Variants in MPP7 observed in about 807,000 individuals in gnomAD.
MPP7 encodes the protein MAGUK p55 subfamily member 7.
In MPP7, 60 loss-of-function variants were observed where a neutral mutation model predicts 76.5. The ratio of observed to expected loss-of-function variants is 0.78; its 90% CI spans 0.64 to 0.97. The LOEUF is 0.97. Ranked by LOEUF, MPP7 falls within the 50% of genes least tolerant of loss-of-function variation. The probability of loss-of-function intolerance (pLI) is 0.00; values close to 1 mark genes in which losing one functional copy is unlikely to be tolerated. For synonymous variants in MPP7, 237 were observed against 244.5 expected (o/e 0.97, Z 0.29); for missense variants, 641 against 694.0 (o/e 0.92, Z 0.86).
intron 3 of MPP7, among the ~76,000 whole-genome samples, chr10:28,169,301 A>C (rs1371421361): frequency 6.8e-6 from 1 of 146,308 alleles, no homozygotes; most frequent in Admixed American, 6.8e-5. Flanking sequence ...GACCAGCCTG[A>C]GCAACACAAC....
In MPP7 at chr10:28,059,685, G is replaced by A; in HGVS notation, c.1263C>T (p.Ser421=). 1 of 1,613,244 alleles carries A rather than the reference G, an allele frequency of 6.2e-7. No homozygotes were observed. Among genetic ancestry groups the A allele is most frequent in the African/African-American group, 1.3e-5 (1 of 74,964 alleles). ...ESDGVEYIFI[S]KHLFETDVQN... Reference sequence around the variant, plus strand: ...GTACATCTGTCTCAAACAAATGCTTGGAAATGAAAATGTATTCAACACCAT... The same window carrying A: ...GTACATCTGTCTCAAACAAATGCTTAGAAATGAAAATGTATTCAACACCAT... The change falls in exon 14 of 17, where the codon TCC becomes TCT. Residue 421 remains serine (S), a synonymous_variant. Transcript: ENST00000683449.
chr10:28,118,126 A>G (rs1588797186), intron 11 of MPP7: 1 of 981,054 alleles, frequency 1.0e-6, no homozygotes, highest in East Asian at 1.1e-4. Context: ...AAATCATGCA[A>G]ATCAACATAC....
At position 28,327,774 on chromosome 10, in the gene MPP7, C is replaced by T. The variant is rs530765733; in HGVS notation, c.-132+2155G>A. ...GCCTGGCTGCTCAGCACACTAGCAG[C>T]TATTGTGCCCTGACATTATATTCGT... On this transcript the variant is annotated intron_variant, in intron 2 of 11. Transcript: ENST00000441595. Among the ~76,000 whole-genome samples the T allele has an allele frequency of 3.6e-4, 55 of 152,296 alleles. 1 individual carries two copies. Among genetic ancestry groups the T allele is most frequent in the African/African-American group, 1.3e-3 (54 of 41,556 alleles).
At chr10:28,121,988 G>A (rs1360987066) in intron 8 of MPP7, among the ~76,000 whole-genome samples, 1 of 152,166 alleles carries the variant, frequency 6.6e-6, no homozygotes, top group South Asian at 2.1e-4. Flanking sequence ...GTGCAACACA[G>A]CAAGTTAAGT....
At chr10:28,054,386 C>G in intron 16 of MPP7, 142 bp from the exon 17 acceptor site, 1 of 571,716 alleles carries the variant, frequency 1.7e-6, no homozygotes. Flanking sequence ...AAGTCATCCT[C>G]TTTAACCACA....
At chr10:28,202,049 T>A (rs1459795615) in intron 3 of MPP7, 104 bp downstream of exon 3, 1 of 794,054 alleles carries the variant, frequency 1.3e-6, no homozygotes, top group African/African-American at 1.7e-5. Context: ...CAAGGCTGTT[T>A]TGTTTTCAGA....
chr10:28,117,096 T>TC (rs1259864896), intron 11 of MPP7, among the ~76,000 whole-genome samples: 1 of 152,070 alleles, frequency 6.6e-6, no homozygotes, highest in African/African-American at 2.4e-5. Context: ...CATGAACTTT[T>TC]CCCCCATGCA....
intron 1 of MPP7, among the ~76,000 whole-genome samples, chr10:28,281,225 G>A (rs536627170): frequency 2.6e-5 from 4 of 151,964 alleles, no homozygotes; most frequent in East Asian, 1.9e-4. Context: ...GATTACCAGC[G>A]CACGCCACTA....
intron 2 of MPP7, among the ~76,000 whole-genome samples, chr10:28,234,649 T>G (rs11006936): frequency 0.09 from 13,636 of 152,228 alleles, 690 homozygotes; most frequent in Non-Finnish European, 0.12. Context: ...GCTCTGATCT[T>G]ACCCCACAAA....
chr10:28,210,322 T>G (rs982896551), intron 2 of MPP7, among the ~76,000 whole-genome samples: 6 of 152,172 alleles, frequency 3.9e-5, no homozygotes, highest in Non-Finnish European at 7.3e-5. Context: ...AAACTGCAAT[T>G]ACTTTTGCAC....
chr10:28,265,002 G>A (rs1840097076), intron 1 of MPP7, among the ~76,000 whole-genome samples: 2 of 152,158 alleles, frequency 1.3e-5, no homozygotes, highest in South Asian at 4.1e-4. Context: ...GGAGATTATA[G>A]GGTAGACAGA....
At chr10:28,110,703 T>C (rs1834480058) in intron 11 of MPP7, among the ~76,000 whole-genome samples, 1 of 152,164 alleles carries the variant, frequency 6.6e-6, no homozygotes, top group African/African-American at 2.4e-5. Context: ...ATTTAAGTAG[T>C]GGGGTACTTA....
At chr10:28,333,676 TA>T (rs1238012951) in intron 1 of MPP7, among the ~76,000 whole-genome samples, 8 of 152,348 alleles carry the variant, frequency 5.3e-5, no homozygotes, top group African/African-American at 1.9e-4. Flanking sequence ...TTCTACAATG[TA>T]ACTTTTTCAA....
chr10:28,270,757 G>A (rs1211522292), intron 1 of MPP7, among the ~76,000 whole-genome samples: 3 of 152,184 alleles, frequency 2.0e-5, no homozygotes, highest in African/African-American at 7.2e-5. Context: ...TTAAATCAGA[G>A]TTCATCAGAA....
chr10:28,266,832 T>C (rs1156967155), intron 1 of MPP7, among the ~76,000 whole-genome samples: 1 of 152,236 alleles, frequency 6.6e-6, no homozygotes, highest in Non-Finnish European at 1.5e-5. Context: ...AACCACAGCC[T>C]TTGAGCATCA....
chr10:28,284,951 G>T (rs1466888316), intron 1 of MPP7, among the ~76,000 whole-genome samples: 1 of 152,078 alleles, frequency 6.6e-6, no homozygotes, highest in African/African-American at 2.4e-5. Context: ...TATTTCAAGT[G>T]AATTAAGCTA....
At chr10:28,318,417 G>A (rs1834340321) in intron 2 of MPP7, among the ~76,000 whole-genome samples, 1 of 152,194 alleles carries the variant, frequency 6.6e-6, no homozygotes, top group South Asian at 2.1e-4. Flanking sequence ...CAGGCATGGT[G>A]GCTGACTCCT....
chr10:28,279,849 T>C (rs955889236), intron 1 of MPP7, among the ~76,000 whole-genome samples: 3 of 152,212 alleles, frequency 2.0e-5, no homozygotes, highest in Admixed American at 6.5e-5. Context: ...AGTCTTAAAA[T>C]GTTCCCACCA....
intron 13 of MPP7, among the ~76,000 whole-genome samples, chr10:28,063,461 C>G (rs1187117223): frequency 9.1e-6 from 1 of 109,676 alleles, no homozygotes; most frequent in Non-Finnish European, 1.9e-5. Flanking sequence ...GACTCTGTCT[C>G]AAAAAAAAAA....
Sources: allele counts gnomAD v4.1 joint callset (sites outside exome capture counted in the v4.1 genomes callset), GRCh38; gene constraint gnomAD v4.1.1; transcripts MANE v1.5; gene names NCBI Gene and HGNC (gene_info 2026-07-23, HGNC 2026-07-21).